The following STUM variants were observed in gnomAD, a reference collection of about 807,000 sequenced individuals.
The protein encoded by STUM is protein stum homolog.
STUM carries 8 observed loss-of-function variants against 15.3 expected under a neutral mutation model. The ratio of observed to expected loss-of-function variants is 0.52; its 90% CI spans 0.31 to 0.94. STUM has a LOEUF of 0.94. STUM is among the 40% of genes least tolerant of loss of function. The probability of loss-of-function intolerance (pLI) is 0.05; values close to 1 mark genes in which losing one functional copy is unlikely to be tolerated. For synonymous variants in STUM, 78 were observed against 88.7 expected (o/e 0.88, Z 0.68); for missense variants, 142 against 204.9 (o/e 0.69, Z 1.87).
intron 1 of STUM, among the ~76,000 whole-genome samples, chr1:226,584,350 C>T (rs1667964188): frequency 6.6e-6 from 1 of 152,186 alleles, no homozygotes; most frequent in Non-Finnish European, 1.5e-5. Context: ...AAGTGAAATC[C>T]AGCAGTTTGT....
chr1:226,586,213 G>T (rs1325932398), intron 1 of STUM, among the ~76,000 whole-genome samples: 1 of 152,194 alleles, frequency 6.6e-6, no homozygotes, highest in Non-Finnish European at 1.5e-5. Flanking sequence ...CGCCCAGTGT[G>T]TGTAGCCACA....
intron 1 of STUM, among the ~76,000 whole-genome samples, chr1:226,563,516 G>C (rs1318200316): frequency 6.6e-6 from 1 of 152,220 alleles, no homozygotes; most frequent in Admixed American, 6.5e-5. Context: ...GTTCCAGGAG[G>C]CCGGGGTCAT....
At chr1:226,573,402 G>T (rs1339941404) in intron 1 of STUM, among the ~76,000 whole-genome samples, 1 of 152,188 alleles carries the variant, frequency 6.6e-6, no homozygotes, top group Non-Finnish European at 1.5e-5. Flanking sequence ...TTAAACAGAA[G>T]ATGGGATTTA....
chr1:226,571,942 C>A (rs1203306103), intron 1 of STUM, among the ~76,000 whole-genome samples: 4 of 152,162 alleles, frequency 2.6e-5, no homozygotes, highest in Non-Finnish European at 4.4e-5. Flanking sequence ...CACCCGGCCC[C>A]TTTTCCCTTC....
intron 2 of STUM, among the ~76,000 whole-genome samples, chr1:226,598,882 G>A (rs708755): frequency 0.1 from 15,270 of 152,176 alleles, 1,258 homozygotes; most frequent in African/African-American, 0.23. Context: ...TCACACTGCT[G>A]ATAAAGACAT....
intron 2 of STUM, 105 bp downstream of exon 2, chr1:226,597,086 G>A: frequency 8.9e-7 from 1 of 1,122,322 alleles, no homozygotes; most frequent in Non-Finnish European, 1.3e-6. Context: ...CACCCGCTAA[G>A]CACGGGCTCT....
At chr1:226,581,651 G>C (rs1431270585) in intron 1 of STUM, among the ~76,000 whole-genome samples, 1 of 152,134 alleles carries the variant, frequency 6.6e-6, no homozygotes, top group Non-Finnish European at 1.5e-5. Context: ...AGTACACACA[G>C]AGATGATGGT....
chr1:226,562,184 T>C lies in STUM; in HGVS notation c.202+13078T>C, dbSNP rs571759952. ...AATTTTGTGATATGAACATTGCATCTCTGGCCTGGTGCAGTGGCTCACTTC... is the reference window on the plus strand; with the variant it reads ...AATTTTGTGATATGAACATTGCATCCCTGGCCTGGTGCAGTGGCTCACTTC... On this transcript the variant is annotated intron_variant, in intron 1 of 3. Transcript: ENST00000366788. Among the ~76,000 whole-genome samples, 3 of 152,220 alleles carry C rather than the reference T, an allele frequency of 2.0e-5. No individual in the cohort carries two copies. In the South Asian group the frequency reaches 6.2e-4, roughly 32 times the overall value.
chr1:226,586,407 T>C (rs1667998599), intron 1 of STUM, among the ~76,000 whole-genome samples: 1 of 152,142 alleles, frequency 6.6e-6, no homozygotes, highest in Non-Finnish European at 1.5e-5. Context: ...ACAAGCTCCA[T>C]GCTGAGCACA....
At chr1:226,599,776 A>G (rs1194627374) in intron 2 of STUM, among the ~76,000 whole-genome samples, 1 of 152,330 alleles carries the variant, frequency 6.6e-6, no homozygotes, top group African/African-American at 2.4e-5. Context: ...TGGTAGCTCT[A>G]TGGTGGGCTC....
rs1667871503 is a variant in STUM at position 226,579,128 on chromosome 1, G to T, written c.203-17674G>T. ...CCAGTGCCATTTCTTAGGATCTGCA[G>T]CTGTGAAGCCGGCTATGTGCGCTAA... On this transcript the variant is annotated intron_variant, in intron 1 of 3. Coordinates refer to ENST00000366788, the MANE Select transcript of STUM (RefSeq NM_001003665.4). Among the ~76,000 whole-genome samples, 2 of 152,190 alleles carry T rather than the reference G, an allele frequency of 1.3e-5. 1 individual carries two copies. Among genetic ancestry groups the T allele is most frequent in the South Asian group, 4.1e-4 (2 of 4,832 alleles).
chr1:226,595,625 G>T (rs1404701586), intron 1 of STUM, among the ~76,000 whole-genome samples: 1 of 152,220 alleles, frequency 6.6e-6, no homozygotes, highest in African/African-American at 2.4e-5. Context: ...AAATTAAATG[G>T]ATGGGGAGAG....
Position 226,573,408 on chromosome 1 carries a change from A to G in STUM, c.203-23394A>G, listed in dbSNP as rs577717290. Among the ~76,000 whole-genome samples the G allele has an allele frequency of 3.9e-5, 6 of 152,282 alleles. No homozygotes were observed. The South Asian group carries it at 1.2e-3, about 32-fold the overall frequency. ...CAAGCTGGTTTAAACAGAAGATGGG[A>G]TTTATTGGTTCACAGAACAGTAAAA... is the stretch of plus-strand genomic sequence containing the variant. On this transcript the variant is annotated intron_variant, in intron 1 of 3. Coordinates refer to ENST00000366788, the MANE Select transcript of STUM (RefSeq NM_001003665.4).
chr1:226,564,856 C>T lies in STUM; in HGVS notation c.202+15750C>T, dbSNP rs547063511. On this transcript the variant is annotated intron_variant, in intron 1 of 3. Transcript: ENST00000366788. The stretch of plus-strand genomic sequence containing the variant: ...AGCCTCAGCGCTTAGCCTGATGCAT[C>T]TCATGCATTCCGGTTCTGAATGACT... Among the ~76,000 whole-genome samples the T allele has an allele frequency of 2.0e-5, 3 of 152,324 alleles. No homozygotes were observed. In the South Asian group the frequency reaches 6.2e-4, roughly 32 times the overall value.
chr1:226,559,544 C>T (rs1667503507), intron 1 of STUM, among the ~76,000 whole-genome samples: 1 of 152,212 alleles, frequency 6.6e-6, no homozygotes, highest in African/African-American at 2.4e-5. Context: ...AGGACAACTG[C>T]ACAGCCACAT....
At position 226,600,372 on chromosome 1, in the gene STUM, G is replaced by A. The variant is rs1371055300; in HGVS notation, c.383-294G>A. 6.6e-6 allele frequency among the ~76,000 whole-genome samples: 1 copy of A among 152,212 alleles called. No individual in the cohort carries two copies. The highest frequency in any genetic ancestry group is 1.5e-5 in the Non-Finnish European group (1 of 68,032). On this transcript the variant is annotated intron_variant, in intron 2 of 3. Coordinates refer to ENST00000366788, the MANE Select transcript of STUM (RefSeq NM_001003665.4). The surrounding 1 kb of genome is among the most constrained non-coding windows in gnomAD (Gnocchi z 5.2). The stretch of plus-strand genomic sequence containing the variant: ...GATATGGAGGGCTGGGGAGGCAGTG[G>A]ACCAAGCTCCCTGGCAGTGTGAGAG...
At chr1:226,556,803 G>T (rs1391803129) in intron 1 of STUM, among the ~76,000 whole-genome samples, 2 of 152,180 alleles carry the variant, frequency 1.3e-5, no homozygotes, top group African/African-American at 2.4e-5. Context: ...ACAGGTTATT[G>T]TTACCAATTA....
At position 226,602,819 on chromosome 1, in the gene STUM, A is replaced by G. The variant is rs1252201641; in HGVS notation, c.*779A>G. 3 of 152,148 alleles carry G rather than the reference A, an allele frequency of 2.0e-5. No homozygotes were observed. Among genetic ancestry groups the G allele is most frequent in the Non-Finnish European group, 4.4e-5 (3 of 68,024 alleles). 9.4% of individuals were successfully genotyped at this position (152,148 alleles called of 1,614,324 possible). On this transcript the variant is annotated 3_prime_UTR_variant, in exon 4 of 4. Coordinates refer to ENST00000366788, the MANE Select transcript of STUM (RefSeq NM_001003665.4). ...GGAGTGGGCAGACTAGCAGGCTTTCACCCAATACTTAACAGCATTTCTGGC... is the reference window on the plus strand; with the variant it reads ...GGAGTGGGCAGACTAGCAGGCTTTCGCCCAATACTTAACAGCATTTCTGGC...
At chr1:226,582,146 CGCT>C (rs1483967578) in intron 1 of STUM, among the ~76,000 whole-genome samples, 1 of 152,186 alleles carries the variant, frequency 6.6e-6, no homozygotes, top group Non-Finnish European at 1.5e-5. Context: ...CGGAGGCAGA[CGCT>C]GCTGCTGCTG....
Sources: gnomAD v4.1 joint callset for allele counts (sites outside exome capture counted in the v4.1 genomes callset) on GRCh38, gnomAD v4.1.1 for gene constraint, Gnocchi (gnomAD v3.1) non-coding constraint, MANE v1.5 for transcripts, NCBI Gene and HGNC (gene_info 2026-07-23, HGNC 2026-07-21) for gene names.